The following SGCZ variants were observed in gnomAD, a reference collection of about 807,000 sequenced individuals.
SGCZ encodes the protein zeta-sarcoglycan.
A neutral mutation model predicts 41.3 loss-of-function variants in SGCZ; 40 were observed. The ratio of observed to expected loss-of-function variants is 0.97; its 90% CI spans 0.75 to 1.26. The LOEUF (loss-of-function observed/expected upper bound fraction) is 1.26, where lower values mean the gene tolerates loss of function less well. Ranked by LOEUF, SGCZ falls within the 50% of genes most tolerant of loss-of-function variation. The probability of loss-of-function intolerance (pLI) is 0.00; values close to 1 mark genes in which losing one functional copy is unlikely to be tolerated. For synonymous variants in SGCZ, 206 were observed against 137.5 expected, an observed-to-expected ratio of 1.50 and a Z score of -3.49; for missense variants, 552 against 369.8, an observed-to-expected ratio of 1.49 and a Z score of -4.04.
rs377635810 is a variant in SGCZ at position 15,237,661 on chromosome 8, G to C, written c.-38C>G. 6.4e-7 allele frequency: 1 copy of C among 1,566,164 alleles called. No homozygotes were observed. Among genetic ancestry groups the C allele is most frequent in the South Asian group, 1.2e-5 (1 of 85,378 alleles). On this transcript the variant is annotated 5_prime_UTR_variant, in exon 1 of 8. Transcript: ENST00000382080. The stretch of plus-strand genomic sequence containing the variant: ...AACGAAGTGGAGAGGAACCGGGCGA[G>C]TGGCACCCAAAAACAATCTAGTCTT...
intron 1 of SGCZ, among the ~76,000 whole-genome samples, chr8:14,933,896 T>C (rs1800002340): frequency 6.6e-6 from 1 of 152,016 alleles, no homozygotes; most frequent in Admixed American, 6.6e-5. Flanking sequence ...TGGGTGAACA[T>C]TAAAAACACA....
chr8:14,256,265 G>T (rs1799462253), intron 3 of SGCZ, among the ~76,000 whole-genome samples: 1 of 152,188 alleles, frequency 6.6e-6, no homozygotes, highest in Non-Finnish European at 1.5e-5. Flanking sequence ...TAAGAAAGAT[G>T]TAAGAGAGGT....
intron 1 of SGCZ, among the ~76,000 whole-genome samples, chr8:15,156,872 G>A (rs1271002832): frequency 1.3e-5 from 2 of 150,954 alleles, no homozygotes; most frequent in African/African-American, 4.9e-5. Flanking sequence ...TTGAACCCAG[G>A]AGACGGAGGT....
chr8:14,138,212 G>A (rs1263948210), intron 5 of SGCZ, among the ~76,000 whole-genome samples: 10 of 152,134 alleles, frequency 6.6e-5, no homozygotes, highest in Admixed American at 2.0e-4. Context: ...ACCAGTACCA[G>A]CCACTACAAA....
intron 5 of SGCZ, among the ~76,000 whole-genome samples, chr8:14,121,319 T>C (rs1008941452): frequency 1.3e-5 from 2 of 152,116 alleles, no homozygotes; most frequent in African/African-American, 4.8e-5. Context: ...GATAAAATGT[T>C]ATTCACTACT....
chr8:14,719,198 G>T (rs1809800547), intron 1 of SGCZ, among the ~76,000 whole-genome samples: 1 of 149,346 alleles, frequency 6.7e-6, no homozygotes, highest in South Asian at 2.1e-4. Context: ...ATTTTTTATG[G>T]CTGCATAGTA....
At chr8:14,295,592 T>C (rs1585330886) in intron 3 of SGCZ, among the ~76,000 whole-genome samples, 1 of 152,162 alleles carries the variant, frequency 6.6e-6, no homozygotes, top group South Asian at 2.1e-4. Flanking sequence ...AACCATCTGC[T>C]GTAAAATGAA....
At chr8:14,414,429 A>G (rs1423413002) in intron 2 of SGCZ, among the ~76,000 whole-genome samples, 1 of 151,942 alleles carries the variant, frequency 6.6e-6, no homozygotes, top group African/African-American at 2.4e-5. Context: ...CACCCTCAGA[A>G]ATGTTGATTA....
At chr8:14,377,153 T>G (rs2117178824) in intron 2 of SGCZ, among the ~76,000 whole-genome samples, 1 of 152,250 alleles carries the variant, frequency 6.6e-6, no homozygotes, top group African/African-American at 2.4e-5. Flanking sequence ...TCTGCCATAC[T>G]CCCCAACCTC....
intron 1 of SGCZ, among the ~76,000 whole-genome samples, chr8:14,560,354 AT>A (rs565227223): frequency 1.3e-5 from 2 of 152,102 alleles, no homozygotes; most frequent in South Asian, 4.1e-4. Context: ...ATATGTATAA[AT>A]TTTTAAAAAG....
intron 3 of SGCZ, among the ~76,000 whole-genome samples, chr8:14,257,125 T>A (rs757862018): frequency 1.3e-5 from 2 of 152,164 alleles, no homozygotes; most frequent in South Asian, 2.1e-4. Flanking sequence ...ATCCACGACA[T>A]TGAGACCCAC....
At chr8:14,211,400 T>C (rs977620985) in intron 4 of SGCZ, among the ~76,000 whole-genome samples, 5 of 152,176 alleles carry the variant, frequency 3.3e-5, no homozygotes, top group South Asian at 2.1e-4. Flanking sequence ...TCTCCACTTA[T>C]GATGTCCCAG....
chr8:14,119,392 G>A (rs1484478635), intron 5 of SGCZ, among the ~76,000 whole-genome samples: 1 of 152,072 alleles, frequency 6.6e-6, no homozygotes, highest in East Asian at 1.9e-4. Flanking sequence ...GAATGCTTGT[G>A]ATTTTTGCAC....
At chr8:14,733,443 C>G (rs973063297) in intron 1 of SGCZ, among the ~76,000 whole-genome samples, 1 of 152,180 alleles carries the variant, frequency 6.6e-6, no homozygotes, top group Non-Finnish European at 1.5e-5. Context: ...CAGACAAAAA[C>G]TTCTTCTTTC....
intron 3 of SGCZ, among the ~76,000 whole-genome samples, chr8:14,257,794 T>C (rs1212623254): frequency 6.6e-6 from 1 of 152,122 alleles, no homozygotes; most frequent in Non-Finnish European, 1.5e-5. Context: ...ATTGTTTTCC[T>C]CCATAATCTC....
chr8:14,348,726 A>G (rs1427573569), intron 2 of SGCZ, among the ~76,000 whole-genome samples: 1 of 152,144 alleles, frequency 6.6e-6, no homozygotes, highest in African/African-American at 2.4e-5. Context: ...ATTTGGTGTA[A>G]GAAGAACATA....
chr8:15,208,580 T>C (rs900653149), intron 1 of SGCZ, among the ~76,000 whole-genome samples: 6 of 152,210 alleles, frequency 3.9e-5, no homozygotes, highest in African/African-American at 1.4e-4. Flanking sequence ...GCACTGTGAA[T>C]GATAATTATC....
intron 1 of SGCZ, among the ~76,000 whole-genome samples, chr8:14,964,603 C>A (rs775064092): frequency 1.3e-5 from 2 of 152,182 alleles, no homozygotes; most frequent in Non-Finnish European, 2.9e-5. Flanking sequence ...CAATCCCACA[C>A]GTAGCTTTGC....
At chr8:14,422,132 G>C (rs1394599220) in intron 2 of SGCZ, among the ~76,000 whole-genome samples, 1 of 151,970 alleles carries the variant, frequency 6.6e-6, no homozygotes, top group Admixed American at 6.6e-5. Flanking sequence ...TTTTAGAAAC[G>C]AGAAAACACA....
Sources: gnomAD v4.1 joint callset for allele counts (sites outside exome capture counted in the v4.1 genomes callset) on GRCh38, gnomAD v4.1.1 for gene constraint, MANE v1.5 for transcripts, NCBI Gene and HGNC (gene_info 2026-07-23, HGNC 2026-07-21) for gene names.